Variants in FAM169A observed in about 807,000 individuals in gnomAD.
The protein encoded by FAM169A is family with sequence similarity 169 member A, also known as soluble lamin-associated protein of 75 kDa.
FAM169A carries 24 observed loss-of-function variants against 75.7 expected under a neutral mutation model. The ratio of observed to expected loss-of-function variants is 0.32; its 90% CI spans 0.23 to 0.45. The LOEUF (loss-of-function observed/expected upper bound fraction) is 0.45. FAM169A is among the 20% of genes least tolerant of loss of function. The pLI is 1.00. For synonymous variants in FAM169A, 271 were observed against 271.0 expected (o/e 1.00, Z 0.00); for missense variants, 673 against 784.0 (o/e 0.86, Z 1.69).
At chr5:74,845,753 C>A (rs1165218806) in intron 1 of FAM169A, among the ~76,000 whole-genome samples, 2 of 152,088 alleles carry the variant, frequency 1.3e-5, no homozygotes, top group Non-Finnish European at 2.9e-5. Flanking sequence ...GCCAACTTTT[C>A]AAAAGCCTAT....
chr5:74,839,961 T>C (rs1342446517), intron 3 of FAM169A, 113 bp downstream of exon 3: 1 of 557,610 alleles, frequency 1.8e-6, no homozygotes, highest in Non-Finnish European at 3.2e-6. Flanking sequence ...AAAATTACAA[T>C]TTGAAACACT....
intron 4 of FAM169A, among the ~76,000 whole-genome samples, chr5:74,838,667 G>C (rs532046910): frequency 1.3e-5 from 2 of 152,208 alleles, no homozygotes; most frequent in East Asian, 3.9e-4. Flanking sequence ...CACACAAAGG[G>C]AACTAGCTTT....
At chr5:74,828,836 G>C (rs933056059) in intron 5 of FAM169A, among the ~76,000 whole-genome samples, 3 of 152,138 alleles carry the variant, frequency 2.0e-5, no homozygotes, top group African/African-American at 4.8e-5. Context: ...GGTGGTGTTT[G>C]CAAGAGAGAG....
At chr5:74,791,416 T>C (rs1238504531) in intron 11 of FAM169A, among the ~76,000 whole-genome samples, 1 of 152,136 alleles carries the variant, frequency 6.6e-6, no homozygotes, top group Non-Finnish European at 1.5e-5. Flanking sequence ...GCTGGCCTAG[T>C]GGTATTAGTT....
chr5:74,831,286 C>A (rs11741825), intron 5 of FAM169A, among the ~76,000 whole-genome samples: 1 of 151,916 alleles, frequency 6.6e-6, no homozygotes, highest in Non-Finnish European at 1.5e-5. Context: ...GATACTAATG[C>A]TTGATTTTGT....
rs773742094 is a variant in FAM169A at position 74,839,006 on chromosome 5, T to C, written c.277A>G (p.Ile93Val). 1.2e-6 allele frequency: 2 copies of C among 1,613,918 alleles called. No individual in the cohort carries two copies. The highest frequency in any genetic ancestry group is 1.3e-5 in the African/African-American group (1 of 75,012). ...LADQWWAIDD[I>V]VKTSVPSREG... is the part of the protein sequence containing the mutation. ...CTTGAAGGAACAGATGTTTTCACAA[T>C]ATCATCAATAGCCCACCACTGATCA... is the stretch of plus-strand genomic sequence containing the variant. The change falls in exon 4 of 13, where the codon ATT (isoleucine) becomes GTT (valine). Residue 93 changes from isoleucine to valine, a missense_variant. By Grantham distance (29) the Ile-to-Val change is conservative. Around this residue, in one of 3 missense-constraint regions of FAM169A, gnomAD observed 107 missense variants for 180.8 expected, o/e 0.59. Coordinates refer to ENST00000687041, the MANE Select transcript of FAM169A (RefSeq NM_001376049.1).
At chr5:74,843,083 G>C (rs1303816037) in intron 1 of FAM169A, among the ~76,000 whole-genome samples, 1 of 151,892 alleles carries the variant, frequency 6.6e-6, no homozygotes, top group Non-Finnish European at 1.5e-5. Flanking sequence ...GGGCAGCAAA[G>C]TAAAAATAGA....
chr5:74,859,785 A>G (rs1012317805), intron 1 of FAM169A, among the ~76,000 whole-genome samples: 2 of 152,140 alleles, frequency 1.3e-5, no homozygotes, highest in African/African-American at 4.8e-5. Context: ...TGGGAGGCTG[A>G]GGTAGAAGGA....
intron 11 of FAM169A, among the ~76,000 whole-genome samples, chr5:74,784,743 T>C (rs1187572936): frequency 1.4e-5 from 2 of 143,346 alleles, no homozygotes; most frequent in Non-Finnish European, 3.0e-5. Context: ...ATGGTGAAAC[T>C]CCGTCTCTAC....
intron 1 of FAM169A, among the ~76,000 whole-genome samples, chr5:74,859,220 A>G (rs1749906227): frequency 1.3e-5 from 2 of 151,864 alleles, no homozygotes; most frequent in Admixed American, 6.6e-5. Context: ...TCTCAAAAAA[A>G]GAAAAACCAA....
At chr5:74,865,800 T>G (rs1473288545) in intron 1 of FAM169A, 1 of 151,710 alleles carries the variant, frequency 6.6e-6, no homozygotes, top group Non-Finnish European at 1.5e-5. Flanking sequence ...ACGCCAAGCA[T>G]CCAGGTGGGG....
intron 1 of FAM169A, among the ~76,000 whole-genome samples, chr5:74,855,612 C>T (rs1204408160): frequency 6.6e-6 from 1 of 152,094 alleles, no homozygotes. Flanking sequence ...AGATCTTTGG[C>T]TCATTTTTTA....
At chr5:74,866,933 T>C (rs1750379065), upstream of FAM169A, 2 of 985,512 alleles carry the variant, frequency 2.0e-6, no homozygotes, top group South Asian at 4.7e-5. Context: ...CTTAGGTGCA[T>C]GCAAGTTAGA....
chr5:74,799,843 C>T, intron 10 of FAM169A: 1 of 1,033,656 alleles, frequency 9.7e-7, no homozygotes, highest in Non-Finnish European at 1.5e-6. Context: ...ACCTTTGTCT[C>T]CAAGTTAGAC....
At chr5:74,806,152 G>A (rs1028598498) in intron 6 of FAM169A, among the ~76,000 whole-genome samples, 1 of 151,946 alleles carries the variant, frequency 6.6e-6, no homozygotes, top group Admixed American at 6.5e-5. Flanking sequence ...ATATATAAAC[G>A]GACTGGGAGT....
intron 10 of FAM169A, among the ~76,000 whole-genome samples, chr5:74,796,995 C>T (rs1165007818): frequency 6.6e-6 from 1 of 152,132 alleles, no homozygotes; most frequent in African/African-American, 2.4e-5. Flanking sequence ...CTCTCTGGAC[C>T]ACTGTACTTC....
intron 4 of FAM169A, among the ~76,000 whole-genome samples, chr5:74,838,404 C>T (rs1748681690): frequency 1.3e-5 from 2 of 152,052 alleles, no homozygotes; most frequent in South Asian, 4.2e-4. Context: ...ATATCCTGTC[C>T]TATTTATCCT....
At position 74,782,975 on chromosome 5, in the gene FAM169A, C is replaced by T. The variant is rs769825795; in HGVS notation, c.1420G>A (p.Val474Met). 6.2e-7 allele frequency: 1 copy of T among 1,613,868 alleles called. No homozygotes were observed. The highest frequency in any genetic ancestry group is 8.5e-7 in the Non-Finnish European group (1 of 1,179,856). Residue 474 changes from valine to methionine, a missense_variant, in exon 12 of 13, where the codon GTG becomes ATG. Coordinates refer to ENST00000687041, the MANE Select transcript of FAM169A (RefSeq NM_001376049.1). ...SEDSTNLVPLVVESSKPPEVD... is the reference protein window; with the variant it reads ...SEDSTNLVPLMVESSKPPEVD... ...TCAGGGGGTTTTGAAGATTCTACCACCAGTGGAACAAGATTTGTAGAGTCT... is the reference window on the plus strand; with the variant it reads ...TCAGGGGGTTTTGAAGATTCTACCATCAGTGGAACAAGATTTGTAGAGTCT...
chr5:74,862,768 T>G (rs1269219646), intron 1 of FAM169A, among the ~76,000 whole-genome samples: 2 of 152,212 alleles, frequency 1.3e-5, no homozygotes, highest in Admixed American at 6.5e-5. Flanking sequence ...CTTGGCGCTT[T>G]TTTAAAAATG....
Sources: gnomAD v4.1 joint callset for allele counts (sites outside exome capture counted in the v4.1 genomes callset) on GRCh38, gnomAD v4.1.1 for gene constraint, gnomAD v4.1.1 regional missense constraint, MANE v1.5 for transcripts, NCBI Gene and HGNC (gene_info 2026-07-23, HGNC 2026-07-21) for gene names.